The following CACNA1C variants were observed in gnomAD, a reference collection of about 807,000 sequenced individuals.
CACNA1C encodes calcium voltage-gated channel subunit alpha1 C, also known as voltage-dependent L-type calcium channel subunit alpha-1C.
A neutral mutation model predicts 229.0 loss-of-function variants in CACNA1C; 30 were observed. The ratio of observed to expected loss-of-function variants is 0.13; its 90% CI spans 0.10 to 0.18. The LOEUF is 0.18. CACNA1C is among the 10% of genes least tolerant of loss of function. CACNA1C has a pLI of 1.00. For synonymous variants in CACNA1C, 1,114 were observed against 1,132.5 expected, an observed-to-expected ratio of 0.98 and a Z score of 0.33; for missense variants, 1,658 against 2,845.0, an observed-to-expected ratio of 0.58 and a Z score of 9.49.
chr12:2,510,209 C>A (rs1403669287), intron 8 of CACNA1C, among the ~76,000 whole-genome samples: 1 of 152,170 alleles, frequency 6.6e-6, no homozygotes, highest in African/African-American at 2.4e-5. Context: ...CAGGCTGGGG[C>A]TCCATGTCTT....
rs1031989302 is a variant in CACNA1C at position 1,971,938 on chromosome 12, T to A, written c.139+737T>A. On this transcript the variant is annotated intron_variant, in intron 1 of 46. Transcript: ENST00000682462. The surrounding 1 kb of genome is among the most constrained non-coding windows in gnomAD (Gnocchi z 4.2). Reference sequence around the variant, plus strand: ...GGACATGTGATAATGTTTGTGTAAATTTTTAAAAGAAGATATATATCCATT... The same window carrying A: ...GGACATGTGATAATGTTTGTGTAAAATTTTAAAAGAAGATATATATCCATT... 6.6e-6 allele frequency among the ~76,000 whole-genome samples: 1 copy of A among 152,238 alleles called. No individual in the cohort carries two copies. The highest frequency in any genetic ancestry group is 1.5e-5 in the Non-Finnish European group (1 of 68,040).
chr12:2,048,261 T>G (rs1403721808), upstream of CACNA1C: 1 of 152,198 alleles, frequency 6.6e-6, no homozygotes, highest in East Asian at 1.9e-4. Flanking sequence ...CACACTGATG[T>G]TCCCATCGCT....
chr12:2,240,355 T>C (rs553310104), intron 3 of CACNA1C, among the ~76,000 whole-genome samples: 7 of 152,370 alleles, frequency 4.6e-5, no homozygotes, highest in African/African-American at 1.7e-4. Context: ...ATCAGTGATA[T>C]TGAACAGTCC....
intron 3 of CACNA1C, among the ~76,000 whole-genome samples, chr12:2,237,535 TC>T (rs2067911910): frequency 1.3e-5 from 2 of 152,236 alleles, no homozygotes; most frequent in African/African-American, 4.8e-5. Context: ...CAGGCAGCTT[TC>T]AGATTTGGAG....
chr12:2,371,724 C>CTTT (rs61627008), intron 3 of CACNA1C, among the ~76,000 whole-genome samples: 3 of 128,996 alleles, frequency 2.3e-5, no homozygotes, highest in East Asian at 2.3e-4. Flanking sequence ...TGACATATGG[C>CTTT]TTTTTTTTTT....
At chr12:2,656,427 T>C (rs923996568) in intron 34 of CACNA1C, among the ~76,000 whole-genome samples, 2 of 152,150 alleles carry the variant, frequency 1.3e-5, no homozygotes, top group African/African-American at 4.8e-5. Flanking sequence ...AAAGAAATAG[T>C]TGGTGACACA....
intron 29 of CACNA1C, among the ~76,000 whole-genome samples, chr12:2,623,960 A>T (rs1188777990): frequency 2.0e-5 from 3 of 152,182 alleles, no homozygotes; most frequent in Non-Finnish European, 4.4e-5. Context: ...GCTCAGCAGG[A>T]CTTAGCAGCA....
chr12:2,358,638 C>A (rs992351309), intron 3 of CACNA1C, among the ~76,000 whole-genome samples: 1 of 152,144 alleles, frequency 6.6e-6, no homozygotes, highest in Non-Finnish European at 1.5e-5. Flanking sequence ...TGACGAGTTT[C>A]TAAGTGCACT....
chr12:2,210,225 G>A (rs2097877701), intron 3 of CACNA1C, among the ~76,000 whole-genome samples: 1 of 152,244 alleles, frequency 6.6e-6, no homozygotes, highest in African/African-American at 2.4e-5. Context: ...GGAGGCAAGT[G>A]AGAATTGGGG....
At chr12:2,136,362 G>T (rs2093489787) in intron 3 of CACNA1C, among the ~76,000 whole-genome samples, 1 of 151,334 alleles carries the variant, frequency 6.6e-6, no homozygotes, top group African/African-American at 2.4e-5. Flanking sequence ...AGATGAGGAA[G>T]GGGCACAGGG....
chr12:2,673,305 A>G (rs1230908976), intron 38 of CACNA1C, among the ~76,000 whole-genome samples: 1 of 152,024 alleles, frequency 6.6e-6, no homozygotes, highest in East Asian at 1.9e-4. Context: ...CATCTCTACT[A>G]AAAATATAAA....
At chr12:2,122,668 C>G (rs2087399553) in intron 3 of CACNA1C, among the ~76,000 whole-genome samples, 1 of 152,204 alleles carries the variant, frequency 6.6e-6, no homozygotes, top group African/African-American at 2.4e-5. Flanking sequence ...AGGCTTTTGT[C>G]CTGAGCCCTC....
chr12:2,351,921 G>T lies in CACNA1C; in HGVS notation c.478-97055G>T, dbSNP rs533357904. 2.2e-4 allele frequency among the ~76,000 whole-genome samples: 33 copies of T among 152,312 alleles called. 2 individuals carry two copies. The South Asian group carries it at 6.2e-3, about 29-fold the overall frequency. The stretch of plus-strand genomic sequence containing the variant: ...ACATCCCCAGGCTCTGGAAAGTCCT[G>T]AGGACAAAGCCAGGATTCCGGTCTT... On this transcript the variant is annotated intron_variant, in intron 3 of 46. Coordinates refer to ENST00000399655, the MANE Select transcript of CACNA1C (RefSeq NM_000719.7).
rs535287862 is a variant in CACNA1C at position 2,647,660 on chromosome 12, C to T, written c.3913-815C>T. On this transcript the variant is annotated intron_variant, in intron 30 of 46. Coordinates refer to ENST00000399655, the MANE Select transcript of CACNA1C (RefSeq NM_000719.7). This position sits in a 1 kb window ranked among gnomAD's most constrained non-coding sequence, Gnocchi z 4.2. The stretch of plus-strand genomic sequence containing the variant: ...GCCCTCCTCAGTGTTGACTTGAAGT[C>T]GGTCTCCCCTAAACCTGAGAGGCCA... Among the ~76,000 whole-genome samples the T allele has an allele frequency of 6.6e-4, 100 of 152,248 alleles. No homozygotes were observed. Among genetic ancestry groups the T allele is most frequent in the African/African-American group, 2.1e-3 (89 of 41,542 alleles).
At chr12:2,500,484 G>T (rs755182971) in intron 7 of CACNA1C, among the ~76,000 whole-genome samples, 1 of 152,224 alleles carries the variant, frequency 6.6e-6, no homozygotes, top group Non-Finnish European at 1.5e-5. Context: ...AGTGAGGAAA[G>T]ATTTCATTTT....
intron 3 of CACNA1C, among the ~76,000 whole-genome samples, chr12:2,253,448 T>C (rs1198153168): frequency 6.6e-6 from 1 of 152,236 alleles, no homozygotes; most frequent in Admixed American, 6.5e-5. Flanking sequence ...GGTCATTGAC[T>C]GATCCATGTG....
intron 9 of CACNA1C, among the ~76,000 whole-genome samples, chr12:2,535,065 C>T (rs1352844733): frequency 6.6e-6 from 1 of 152,146 alleles, no homozygotes; most frequent in Non-Finnish European, 1.5e-5. Context: ...TGCATGAAGC[C>T]GCAGGACCTC....
Position 2,493,305 on chromosome 12 carries a change from C to G in CACNA1C, c.1032C>G (p.Thr344=), listed in dbSNP as rs760916463. The G allele has an allele frequency of 2.1e-5, 34 of 1,614,140 alleles. No homozygotes were observed. Among genetic ancestry groups the G allele is most frequent in the Non-Finnish European group, 2.9e-5 (34 of 1,179,968 alleles). The change falls in exon 7 of 47, where the codon ACC becomes ACG. Residue 344 remains threonine (T), a synonymous_variant. Transcript: ENST00000399655. This position sits in a 1 kb window ranked among gnomAD's most constrained non-coding sequence, Gnocchi z 4.6. The part of the protein sequence containing the change: ...PGWDGPKHGI[T]NFDNFAFAML... The stretch of plus-strand genomic sequence containing the variant: ...GGGATGGTCCCAAGCACGGCATCAC[C>G]AACTTTGACAACTTTGCCTTCGCCA...
At chr12:2,010,309 T>C (rs550669517) in intron 1 of CACNA1C, among the ~76,000 whole-genome samples, 7 of 152,260 alleles carry the variant, frequency 4.6e-5, no homozygotes, top group African/African-American at 1.7e-4. Flanking sequence ...AGGTTAAGAT[T>C]TGAAACAATT....
Sources: gnomAD v4.1 joint callset for allele counts (sites outside exome capture counted in the v4.1 genomes callset) on GRCh38, gnomAD v4.1.1 for gene constraint, Gnocchi (gnomAD v3.1) non-coding constraint, MANE v1.5 for transcripts, NCBI Gene and HGNC (gene_info 2026-07-23, HGNC 2026-07-21) for gene names.